Variants in PDIA5 observed in about 807,000 individuals in gnomAD.
The protein encoded by PDIA5 is protein disulfide-isomerase A5.
In PDIA5, 58 loss-of-function variants were observed where a neutral mutation model predicts 77.6. The observed-to-expected ratio is 0.75, with a 90% CI of 0.61 to 0.93. The LOEUF (loss-of-function observed/expected upper bound fraction) is 0.93, where lower values mean the gene tolerates loss of function less well. Ranked by LOEUF, PDIA5 falls within the 40% of genes least tolerant of loss-of-function variation. The pLI is 0.00. For missense variants in PDIA5, 630 were observed against 647.7 expected (o/e 0.97, Z 0.30); for synonymous variants, 250 against 252.1 (o/e 0.99, Z 0.08).
At chr3:123,074,010 G>A (rs981882534) in intron 1 of PDIA5, among the ~76,000 whole-genome samples, 1 of 152,226 alleles carries the variant, frequency 6.6e-6, no homozygotes, top group African/African-American at 2.4e-5. Context: ...CTTGAGGAAC[G>A]AGTGGGTTTG....
rs1934229862 is a variant in PDIA5, at chr3:123,089,404, A to G, written c.169+110A>G. 6.6e-6 allele frequency: 7 copies of G among 1,057,998 alleles called. No individual in the cohort carries two copies. The South Asian group carries it at 1.1e-4, about 16-fold the overall frequency. The allele number at this position is 1,057,998 out of a possible 1,614,324, so 65.5% of individuals were successfully genotyped here. On this transcript the variant is annotated intron_variant, in intron 2 of 16. Transcript: ENST00000316218. ...ATGAAAACCACTTAGGGAGGGTCCA[A>G]GGGACATGGGGTTTGTCACCTTTCC...
At chr3:123,114,606 C>A (rs763382700) in intron 7 of PDIA5, among the ~76,000 whole-genome samples, 9 of 152,256 alleles carry the variant, frequency 5.9e-5, no homozygotes, top group Non-Finnish European at 1.2e-4. Context: ...TCTGCAGCCT[C>A]CTGTTTTCCA....
chr3:123,150,998 T>C (rs1374386376), intron 14 of PDIA5, among the ~76,000 whole-genome samples: 1 of 152,234 alleles, frequency 6.6e-6, no homozygotes, highest in Admixed American at 6.5e-5. Flanking sequence ...CTCCCCCAGG[T>C]TACAGCTCAG....
intron 15 of PDIA5, among the ~76,000 whole-genome samples, chr3:123,157,044 T>C (rs1478873790): frequency 1.3e-5 from 2 of 152,192 alleles, no homozygotes; most frequent in African/African-American, 4.8e-5. Context: ...TGCTTGATTG[T>C]CTTGGGCCAG....
At chr3:123,114,105 G>A in intron 7 of PDIA5, among the ~76,000 whole-genome samples, 1 of 152,208 alleles carries the variant, frequency 6.6e-6, no homozygotes. Flanking sequence ...AGGGACAACT[G>A]GCCGACTTAT....
At chr3:123,143,316 C>T (rs1225256773) in intron 11 of PDIA5, among the ~76,000 whole-genome samples, 8 of 143,566 alleles carry the variant, frequency 5.6e-5, no homozygotes, top group Admixed American at 1.5e-4. Flanking sequence ...ACCCAGGAGG[C>T]GGAGGTTGCA....
intron 1 of PDIA5, among the ~76,000 whole-genome samples, chr3:123,073,374 G>T (rs950030698): frequency 6.6e-6 from 1 of 152,196 alleles, no homozygotes; most frequent in Non-Finnish European, 1.5e-5. Context: ...GCTTGAATGT[G>T]TAAGCAGCTG....
intron 11 of PDIA5, among the ~76,000 whole-genome samples, chr3:123,143,733 C>T (rs1315353137): frequency 6.6e-6 from 1 of 152,204 alleles, no homozygotes; most frequent in Non-Finnish European, 1.5e-5. Context: ...TCCTCCTCTT[C>T]TTGTTGTGGA....
At chr3:123,116,774 C>T (rs1043547783) in intron 8 of PDIA5, among the ~76,000 whole-genome samples, 1 of 151,856 alleles carries the variant, frequency 6.6e-6, no homozygotes, top group African/African-American at 2.4e-5. Context: ...TCCTGTGGGG[C>T]GGGAAGAACG....
At chr3:123,147,886 C>G (rs892520829) in intron 13 of PDIA5, among the ~76,000 whole-genome samples, 1 of 152,132 alleles carries the variant, frequency 6.6e-6, no homozygotes, top group African/African-American at 2.4e-5. Flanking sequence ...CCCTGTGATG[C>G]TTGGACTTCT....
At chr3:123,130,042 C>T (rs939129584) in intron 10 of PDIA5, among the ~76,000 whole-genome samples, 7 of 152,204 alleles carry the variant, frequency 4.6e-5, no homozygotes, top group African/African-American at 1.7e-4. Flanking sequence ...GTACCCTCTT[C>T]CTCCCCTCCA....
chr3:123,141,234 T>C (rs3792390), intron 11 of PDIA5, among the ~76,000 whole-genome samples: 27,593 of 152,176 alleles, frequency 0.18, 2,937 homozygotes, highest in South Asian at 0.28. Context: ...ATCTTGACCA[T>C]GGGCCCTGCC....
In PDIA5 at chr3:123,102,431, T is replaced by A; in HGVS notation, c.278T>A (p.Leu93Ter). ...TCCAGTGATGCAGAGAGTAGAAAATTGTGCAAGAAGATGAAAGTTGACCTG... is the reference window on the plus strand; with the variant it reads ...TCCAGTGATGCAGAGAGTAGAAAATAGTGCAAGAAGATGAAAGTTGACCTG... ...VDCGDAESRK[L>*]CKKMKVDLSP... The change falls in exon 4 of 17, where the codon TTG becomes TAG. Residue 93 changes from leucine to a stop codon, truncating the protein, a stop_gained. Transcript: ENST00000316218. LOFTEE classifies it high-confidence loss of function. 1 of 1,613,950 alleles carries A rather than the reference T, an allele frequency of 6.2e-7. No individual in the cohort carries two copies. The highest frequency in any genetic ancestry group is 2.2e-5 in the East Asian group (1 of 44,892).
intron 5 of PDIA5, among the ~76,000 whole-genome samples, chr3:123,105,131 C>T (rs939563631): frequency 2.6e-5 from 4 of 152,194 alleles, no homozygotes; most frequent in Non-Finnish European, 5.9e-5. Context: ...CCCCCCAGAG[C>T]AAGCAGTTCC....
chr3:123,152,816 C>CGCTGAATG (rs2107990023), intron 14 of PDIA5, among the ~76,000 whole-genome samples: 1 of 152,302 alleles, frequency 6.6e-6, no homozygotes, highest in East Asian at 1.9e-4. Context: ...GTTCCTTTTA[C>CGCTGAATG]GCTGAATGGT....
At chr3:123,082,314 C>G (rs76817198) in intron 1 of PDIA5, among the ~76,000 whole-genome samples, 1 of 151,948 alleles carries the variant, frequency 6.6e-6, no homozygotes, top group Non-Finnish European at 1.5e-5. Context: ...GGCCTGGAGT[C>G]GGGAGGCCCA....
chr3:123,135,745 C>CTTTTTTTTT (rs766560888), intron 11 of PDIA5, among the ~76,000 whole-genome samples: 7 of 80,462 alleles, frequency 8.7e-5, no homozygotes, highest in Admixed American at 1.5e-4. Context: ...GAGGTAACAA[C>CTTTTTTTTT]TTTTTTTTTT....
intron 10 of PDIA5, among the ~76,000 whole-genome samples, chr3:123,129,736 C>A (rs367976053): frequency 6.6e-6 from 1 of 152,198 alleles, no homozygotes; most frequent in African/African-American, 2.4e-5. Context: ...AGGACTGGCA[C>A]ACAGTCACGC....
At chr3:123,123,204 G>T (rs1192356728) in intron 8 of PDIA5, among the ~76,000 whole-genome samples, 3 of 152,234 alleles carry the variant, frequency 2.0e-5, no homozygotes, top group Non-Finnish European at 4.4e-5. Flanking sequence ...TTGAGCCCAG[G>T]AGTTAGAGGG....
Sources: gnomAD v4.1 joint callset for allele counts (sites outside exome capture counted in the v4.1 genomes callset) on GRCh38, gnomAD v4.1.1 for gene constraint, MANE v1.5 for transcripts, NCBI Gene and HGNC (gene_info 2026-07-23, HGNC 2026-07-21) for gene names.